The following ACAD11 variants were observed in gnomAD, a reference collection of about 807,000 sequenced individuals.
The protein encoded by ACAD11 is acyl-Coenzyme A dehydrogenase family, member 11.
ACAD11 carries 83 observed loss-of-function variants against 102.2 expected under a neutral mutation model. The observed-to-expected ratio is 0.81, with a 90% CI of 0.68 to 0.97. The LOEUF (loss-of-function observed/expected upper bound fraction) is 0.97, where lower values mean the gene tolerates loss of function less well. Ranked by LOEUF, ACAD11 falls within the 50% of genes least tolerant of loss-of-function variation. ACAD11 has a pLI of 0.00. For missense variants in ACAD11, 901 were observed against 951.7 expected (o/e 0.95, Z 0.70); for synonymous variants, 324 against 319.8 (o/e 1.01, Z -0.14).
intron 9 of ACAD11, among the ~76,000 whole-genome samples, chr3:132,621,679 G>A (rs1202247463): frequency 1.3e-5 from 2 of 152,100 alleles, no homozygotes; most frequent in South Asian, 2.1e-4. Flanking sequence ...AAATAGGTAG[G>A]TAAACTTAAA....
intron 17 of ACAD11, among the ~76,000 whole-genome samples, chr3:132,563,041 A>G (rs1253143192): frequency 6.6e-6 from 1 of 152,214 alleles, no homozygotes; most frequent in Admixed American, 6.5e-5. Context: ...TCTTTTGCCT[A>G]TCTATGTCCA....
At position 132,618,887 on chromosome 3, in the gene ACAD11, A is replaced by G; in HGVS notation, c.1276-115T>C. ...CTTTGAAATTTAAAAACACTTATGG[A>G]GTTATTTATTTTACTGTATTCTCCA... On this transcript the variant is annotated intron_variant, in intron 10 of 19. Coordinates refer to ENST00000264990, the MANE Select transcript of ACAD11 (RefSeq NM_032169.5). The G allele has an allele frequency of 3.7e-6, 4 of 1,071,852 alleles. No homozygotes were observed. In the South Asian group the frequency reaches 1.3e-4, roughly 35 times the overall value. The allele number at this position is 1,071,852 out of a possible 1,614,324, so 66.4% of individuals were successfully genotyped here.
chr3:132,582,507 G>C (rs551037149), intron 13 of ACAD11, among the ~76,000 whole-genome samples: 2 of 151,908 alleles, frequency 1.3e-5, no homozygotes, highest in Non-Finnish European at 2.9e-5. Context: ...GGATTCCCAA[G>C]TAGGAGACTG....
intron 13 of ACAD11, among the ~76,000 whole-genome samples, chr3:132,602,451 A>G (rs775170434): frequency 3.9e-5 from 6 of 152,198 alleles, no homozygotes; most frequent in Non-Finnish European, 8.8e-5. Flanking sequence ...AAAATACATT[A>G]TCCCATGCAT....
intron 5 of ACAD11, among the ~76,000 whole-genome samples, chr3:132,633,420 A>T (rs1465814187): frequency 6.6e-6 from 1 of 152,208 alleles, no homozygotes; most frequent in Non-Finnish European, 1.5e-5. Context: ...CCCAGGGATG[A>T]AGCCCACTTG....
At position 132,630,489 on chromosome 3, in the gene ACAD11, T is replaced by A. The variant is rs1939993441; in HGVS notation, c.911A>T (p.Asn304Ile). The change falls in exon 7 of 20, where the codon AAC becomes ATC. Residue 304 changes from asparagine (N) to isoleucine (I), a missense_variant. Coordinates refer to ENST00000264990, the MANE Select transcript of ACAD11 (RefSeq NM_032169.5). ...RCRGINSILP[N>I]WNFFLALSYF... ...TGAAAGGGCAAGAAAGAAATTCCAGTTAGGAAGAATAGAATTAATTCCCCT... is the reference window on the plus strand; with the variant it reads ...TGAAAGGGCAAGAAAGAAATTCCAGATAGGAAGAATAGAATTAATTCCCCT... The A allele has an allele frequency of 6.2e-7, 1 of 1,613,036 alleles. No homozygotes were observed. The highest frequency in any genetic ancestry group is 1.3e-5 in the African/African-American group (1 of 74,900).
chr3:132,582,378 G>C, intron 13 of ACAD11, among the ~76,000 whole-genome samples: 1 of 151,554 alleles, frequency 6.6e-6, no homozygotes, highest in Middle Eastern at 3.2e-3. Flanking sequence ...ATGATGTTTG[G>C]ATGTGGAGAC....
At chr3:132,659,536 G>A (rs756336575) in intron 1 of ACAD11, 67 bp downstream of exon 1, 6 of 1,600,752 alleles carry the variant, frequency 3.7e-6, no homozygotes, top group Middle Eastern at 1.7e-4. Context: ...AAACCACCCA[G>A]GGCCAAAGGA....
chr3:132,610,136 A>G (rs1247227034), intron 11 of ACAD11, among the ~76,000 whole-genome samples: 1 of 152,230 alleles, frequency 6.6e-6, no homozygotes, highest in Admixed American at 6.5e-5. Flanking sequence ...CAAAATAATA[A>G]GAGCTATTTA....
intron 15 of ACAD11, chr3:132,578,481 C>CTGTG (rs1437976528): frequency 6.5e-6 from 1 of 153,220 alleles, no homozygotes; most frequent in African/African-American, 2.4e-5. Context: ...GTGCATTAAT[C>CTGTG]CATTTTTATG....
At chr3:132,640,794 A>G (rs1425972566) in intron 4 of ACAD11, among the ~76,000 whole-genome samples, 1 of 152,158 alleles carries the variant, frequency 6.6e-6, no homozygotes, top group African/African-American at 2.4e-5. Flanking sequence ...GCCATGTAGG[A>G]CCTAGCATAT....
intron 1 of ACAD11, among the ~76,000 whole-genome samples, chr3:132,655,548 T>G (rs1372267899): frequency 2.0e-5 from 3 of 152,210 alleles, no homozygotes; most frequent in African/African-American, 7.2e-5. Context: ...GGAACACTCT[T>G]TTCCTGGATA....
chr3:132,606,969 C>T (rs1435354621), intron 11 of ACAD11, among the ~76,000 whole-genome samples: 1 of 152,210 alleles, frequency 6.6e-6, no homozygotes, highest in African/African-American at 2.4e-5. Flanking sequence ...GCAGCCTCCA[C>T]TTGTGATATC....
intron 1 of ACAD11, among the ~76,000 whole-genome samples, chr3:132,657,042 T>C (rs1402390911): frequency 6.6e-6 from 1 of 152,164 alleles, no homozygotes; most frequent in African/African-American, 2.4e-5. Flanking sequence ...AGTCATTTCC[T>C]TTGTGGTTTC....
rs192176675 is a variant in ACAD11 at position 132,614,645 on chromosome 3, C to T, written c.1414+3989G>A. On this transcript the variant is annotated intron_variant, in intron 11 of 19. Coordinates refer to ENST00000264990, the MANE Select transcript of ACAD11 (RefSeq NM_032169.5). ...ATATGCAGAAAGCTGAAACTGGATG[C>T]CTTCTTTACACCTTATGCAAAAATT... 2.6e-3 allele frequency among the ~76,000 whole-genome samples: 391 copies of T among 152,200 alleles called. 5 individuals are homozygous for T. The highest frequency in any genetic ancestry group is 1.5e-3 in the Non-Finnish European group (105 of 68,006).
chr3:132,562,662 A>G (rs1937096850), intron 17 of ACAD11, among the ~76,000 whole-genome samples: 1 of 152,136 alleles, frequency 6.6e-6, no homozygotes, highest in South Asian at 2.1e-4. Flanking sequence ...TTTAATTTGC[A>G]TTTCTGTAAT....
intron 13 of ACAD11, among the ~76,000 whole-genome samples, chr3:132,591,238 C>T (rs534278260): frequency 3.3e-5 from 5 of 152,224 alleles, no homozygotes; most frequent in African/African-American, 1.2e-4. Flanking sequence ...GCCAGTTATC[C>T]CAGCACTATC....
At chr3:132,583,011 GT>G (rs1156971473) in intron 13 of ACAD11, among the ~76,000 whole-genome samples, 1 of 151,960 alleles carries the variant, frequency 6.6e-6, no homozygotes, top group Non-Finnish European at 1.5e-5. Context: ...CTAAAATTCT[GT>G]TTTTTTGTTG....
chr3:132,654,124 T>C (rs1437548647), intron 1 of ACAD11, among the ~76,000 whole-genome samples: 4 of 152,224 alleles, frequency 2.6e-5, no homozygotes, highest in Non-Finnish European at 1.5e-5. Context: ...TTCTTTCAGT[T>C]ACCAAGGCAG....
Sources: gnomAD v4.1 joint callset for allele counts (sites outside exome capture counted in the v4.1 genomes callset) on GRCh38, gnomAD v4.1.1 for gene constraint, MANE v1.5 for transcripts, NCBI Gene and HGNC (gene_info 2026-07-23, HGNC 2026-07-21) for gene names.